Variants in COL6A6 observed in about 807,000 individuals in gnomAD.
The protein encoded by COL6A6 is collagen alpha-6(VI) chain.
A neutral mutation model predicts 208.6 loss-of-function variants in COL6A6; 183 were observed. The observed-to-expected ratio is 0.88, with a 90% confidence interval of 0.78 to 0.99. The LOEUF (loss-of-function observed/expected upper bound fraction) is 0.99. Ranked by LOEUF, COL6A6 falls within the 50% of genes least tolerant of loss-of-function variation. The pLI, the probability that COL6A6 is intolerant of heterozygous loss-of-function variation, is 0.00. For missense variants in COL6A6, 2,816 were observed against 2,815.2 expected, an observed-to-expected ratio of 1.00 and a Z score of -0.01; for synonymous variants, 973 against 1,011.8, an observed-to-expected ratio of 0.96 and a Z score of 0.73.
chr3:130,641,757 A>T (rs991535102), intron 29 of COL6A6, 43 bp downstream of exon 29: 20 of 334,260 alleles, frequency 6.0e-5, no homozygotes, highest in South Asian at 1.4e-4. Context: ...CTTTTCCATT[A>T]AAAAAAAAAA....
chr3:130,649,632 C>G (rs929539376), intron 33 of COL6A6, 70 bp downstream of exon 33: 2 of 1,419,660 alleles, frequency 1.4e-6, no homozygotes, highest in East Asian at 5.0e-5. Context: ...CCCTATACTA[C>G]CTTGCCTTCA....
intron 1 of COL6A6, among the ~76,000 whole-genome samples, chr3:130,534,312 C>G (rs2062175258): frequency 6.6e-6 from 1 of 152,134 alleles, no homozygotes. Context: ...CAGATTACCT[C>G]TGCTGTGAAT....
At chr3:130,590,994 T>C in intron 12 of COL6A6, 47 bp from the exon 13 acceptor site, 1 of 1,436,732 alleles carries the variant, frequency 7.0e-7, no homozygotes, top group Non-Finnish European at 9.6e-7. Context: ...TTACCTCTGA[T>C]TTTTGGTCCA....
chr3:130,558,454 C>T (rs2062813624), intron 1 of COL6A6, among the ~76,000 whole-genome samples: 1 of 152,224 alleles, frequency 6.6e-6, no homozygotes, highest in Non-Finnish European at 1.5e-5. Context: ...AATTGTTCCA[C>T]AAGATGCTAA....
chr3:130,552,131 G>A (rs946168196), intron 1 of COL6A6, among the ~76,000 whole-genome samples: 1 of 152,140 alleles, frequency 6.6e-6, no homozygotes, highest in Admixed American at 6.5e-5. Context: ...TTTGGCTGGA[G>A]AGTTCTATGT....
At chr3:130,668,800 T>C (rs1171249897) in intron 36 of COL6A6, among the ~76,000 whole-genome samples, 3 of 152,034 alleles carry the variant, frequency 2.0e-5, no homozygotes, top group Admixed American at 1.3e-4. Flanking sequence ...CCATCAAAAT[T>C]CGAGATTTCA....
intron 33 of COL6A6, 143 bp downstream of exon 33, chr3:130,649,705 T>C (rs1412178308): frequency 3.7e-6 from 3 of 813,710 alleles, no homozygotes; most frequent in Non-Finnish European, 5.6e-6. Flanking sequence ...AATAAGTATT[T>C]CTTACTGTGT....
chr3:130,626,655 T>C (rs899093909), intron 25 of COL6A6, 108 bp downstream of exon 25: 15 of 747,216 alleles, frequency 2.0e-5, no homozygotes, highest in Non-Finnish European at 3.3e-5. Context: ...CCTCATGAAG[T>C]TTTATAGTTT....
chr3:130,600,384 T>C (rs2063977060), intron 20 of COL6A6, among the ~76,000 whole-genome samples: 2 of 152,174 alleles, frequency 1.3e-5, no homozygotes, highest in Non-Finnish European at 2.9e-5. Context: ...AAAAGGAATA[T>C]AAATCATTCT....
At position 130,570,826 on chromosome 3, in the gene COL6A6, C is replaced by T. The variant is rs1255966438; in HGVS notation, c.2410C>T (p.Arg804Trp). Reference protein sequence around the residue: ...GICSPREECKRIEVLDVVFVI... With the variant: ...GICSPREECKWIEVLDVVFVI... Reference sequence around the variant, plus strand: ...CTCTCTTCCTCTTTCAGAATGCAAGCGGATTGAAGTTTTAGACGTTGTGTT... The same window carrying T: ...CTCTCTTCCTCTTTCAGAATGCAAGTGGATTGAAGTTTTAGACGTTGTGTT... Residue 804 changes from arginine to tryptophan, a missense_variant, in exon 7 of 37, where the codon CGG becomes TGG. Arg to Trp is a moderately radical substitution (Grantham distance 101). Transcript: ENST00000358511. 4 of 1,607,736 alleles carry T rather than the reference C, an allele frequency of 2.5e-6. No individual in the cohort carries two copies. The highest frequency in any genetic ancestry group is 2.7e-5 in the African/African-American group (2 of 74,762).
intron 20 of COL6A6, 109 bp from the exon 21 acceptor site, chr3:130,606,822 T>G (rs1044327169): frequency 5.4e-6 from 4 of 740,308 alleles, no homozygotes; most frequent in Non-Finnish European, 8.7e-6. Context: ...AAGCACTATG[T>G]GGGAATTGTT....
intron 8 of COL6A6, among the ~76,000 whole-genome samples, chr3:130,580,317 G>A (rs960276210): frequency 1.3e-5 from 2 of 152,148 alleles, no homozygotes; most frequent in Non-Finnish European, 1.5e-5. Flanking sequence ...ATAAAATACA[G>A]TAAAATAAGA....
chr3:130,593,340 A>G, intron 17 of COL6A6, 88 bp downstream of exon 17: 2 of 1,029,424 alleles, frequency 1.9e-6, no homozygotes, highest in South Asian at 2.7e-5. Context: ...AGCTATTGCT[A>G]CAAAACTGTT....
intron 21 of COL6A6, among the ~76,000 whole-genome samples, chr3:130,607,654 A>G (rs1317090872): frequency 6.6e-6 from 1 of 152,206 alleles, no homozygotes; most frequent in Non-Finnish European, 1.5e-5. Flanking sequence ...AGATTGCAGC[A>G]ACTTCTGTTC....
At chr3:130,531,600 C>T (rs1487614745) in intron 1 of COL6A6, among the ~76,000 whole-genome samples, 1 of 152,188 alleles carries the variant, frequency 6.6e-6, no homozygotes, top group Non-Finnish European at 1.5e-5. Context: ...ACCTGCCTCC[C>T]CCTTGAGCTT....
intron 1 of COL6A6, among the ~76,000 whole-genome samples, chr3:130,521,646 T>C (rs970925648): frequency 1.3e-5 from 2 of 152,212 alleles, no homozygotes; most frequent in African/African-American, 4.8e-5. Flanking sequence ...TAGTGCATGC[T>C]GGAGGCTTCT....
At chr3:130,547,778 A>G (rs181376100) in intron 1 of COL6A6, among the ~76,000 whole-genome samples, 174 of 152,334 alleles carry the variant, frequency 1.1e-3, no homozygotes, top group Non-Finnish European at 2.1e-3. Context: ...AGCCATTAGC[A>G]TATTAATCCT....
intron 1 of COL6A6, among the ~76,000 whole-genome samples, chr3:130,548,885 G>A (rs1158763828): frequency 6.6e-6 from 1 of 152,222 alleles, no homozygotes; most frequent in Non-Finnish European, 1.5e-5. Context: ...TCCAATGGGG[G>A]CAGGGGTTTG....
intron 26 of COL6A6, among the ~76,000 whole-genome samples, chr3:130,628,455 A>C (rs958409606): frequency 5.3e-5 from 8 of 152,240 alleles, no homozygotes; most frequent in Admixed American, 1.3e-4. Flanking sequence ...AAAGGAAATA[A>C]CAAAATGTAT....
Sources: allele counts gnomAD v4.1 joint callset (sites outside exome capture counted in the v4.1 genomes callset), GRCh38; gene constraint gnomAD v4.1.1; transcripts MANE v1.5; gene names NCBI Gene and HGNC (gene_info 2026-07-23, HGNC 2026-07-21).